The following SRBD1 variants were observed in gnomAD, a reference collection of about 807,000 sequenced individuals.
SRBD1 encodes the protein S1 RNA binding domain 1, also known as S1 RNA-binding domain-containing protein 1.
A neutral mutation model predicts 115.3 loss-of-function variants in SRBD1; 88 were observed. That is an observed-to-expected ratio of 0.76 (90% confidence interval 0.64 to 0.91). The LOEUF (loss-of-function observed/expected upper bound fraction) is 0.91, where lower values mean the gene tolerates loss of function less well. SRBD1 is among the 40% of genes least tolerant of loss of function. SRBD1 has a pLI of 0.00. For missense variants in SRBD1, 1,385 were observed against 1,177.4 expected (o/e 1.18, Z -2.58); for synonymous variants, 509 against 407.7 (o/e 1.25, Z -2.99).
intron 7 of SRBD1, among the ~76,000 whole-genome samples, chr2:45,579,370 A>C (rs1673274887): frequency 6.6e-6 from 1 of 152,222 alleles, no homozygotes; most frequent in Non-Finnish European, 1.5e-5. Context: ...ATTTTTAAAG[A>C]GTATTTATGA....
At chr2:45,465,240 T>C (rs925803456) in intron 16 of SRBD1, among the ~76,000 whole-genome samples, 9 of 152,168 alleles carry the variant, frequency 5.9e-5, no homozygotes, top group Non-Finnish European at 1.5e-5. Context: ...ATTTAAATAG[T>C]TGTTAAACTG....
chr2:45,605,947 C>G (rs1674257939), intron 1 of SRBD1, among the ~76,000 whole-genome samples: 1 of 150,908 alleles, frequency 6.6e-6, no homozygotes, highest in East Asian at 1.9e-4. Flanking sequence ...TAACAGCCTT[C>G]CAATGGTTTA....
chr2:45,611,072 T>C (rs974738269), intron 1 of SRBD1, 147 bp downstream of exon 1: 6 of 152,234 alleles, frequency 3.9e-5, no homozygotes, highest in Admixed American at 2.6e-4. Flanking sequence ...GACAGTAAAA[T>C]GTAATGAACT....
intron 10 of SRBD1, among the ~76,000 whole-genome samples, chr2:45,561,826 C>T (rs1018567542): frequency 1.3e-5 from 2 of 152,108 alleles, no homozygotes; most frequent in Non-Finnish European, 2.9e-5. Context: ...TTAGACATTT[C>T]CTTAAAATAT....
At chr2:45,548,953 A>G (rs1672206311) in intron 12 of SRBD1, 1 of 152,218 alleles carries the variant, frequency 6.6e-6, no homozygotes, top group Admixed American at 6.5e-5. Context: ...ATATGATGGA[A>G]CTGAGAACAG....
intron 10 of SRBD1, among the ~76,000 whole-genome samples, chr2:45,562,292 A>T (rs1672691124): frequency 6.6e-6 from 1 of 152,048 alleles, no homozygotes; most frequent in Non-Finnish European, 1.5e-5. Context: ...CAGTGGTGTG[A>T]TCTCGGCTCA....
intron 9 of SRBD1, among the ~76,000 whole-genome samples, chr2:45,563,828 T>C (rs1672744736): frequency 1.3e-5 from 2 of 152,116 alleles, no homozygotes; most frequent in Admixed American, 6.5e-5. Flanking sequence ...CACAAATAAA[T>C]GTCCAGGCCC....
intron 16 of SRBD1, among the ~76,000 whole-genome samples, chr2:45,469,993 C>T (rs1239275320): frequency 6.6e-6 from 1 of 152,140 alleles, no homozygotes; most frequent in African/African-American, 2.4e-5. Context: ...TTCTCTATTT[C>T]AAAATACTGC....
intron 8 of SRBD1, 63 bp from the exon 9 acceptor site, chr2:45,573,405 A>G: frequency 1.3e-6 from 2 of 1,533,108 alleles, no homozygotes; most frequent in South Asian, 1.3e-5. Context: ...AGTAAAGAAT[A>G]TATAGAAATA....
chr2:45,555,665 T>A lies in SRBD1; in HGVS notation c.1410-1935A>T, dbSNP rs201441708. ...CCATACCCGGCTAATTTTTTGTTTT[T>A]GTATTTTTAGTAGAGATGGGGTTTC... is the stretch of plus-strand genomic sequence containing the variant. On this transcript the variant is annotated intron_variant, in intron 10 of 20. Transcript: ENST00000263736. Among the ~76,000 whole-genome samples the A allele has an allele frequency of 8.0e-5, 12 of 150,244 alleles. No homozygotes were observed. The East Asian group carries it at 2.3e-3, about 29-fold the overall frequency.
chr2:45,480,215 A>G (rs924459846), intron 15 of SRBD1, among the ~76,000 whole-genome samples: 4 of 152,210 alleles, frequency 2.6e-5, no homozygotes, highest in Admixed American at 2.0e-4. Flanking sequence ...CATACCATGT[A>G]TCAAGGAGTA....
At chr2:45,590,290 G>C (rs1373771791) in intron 4 of SRBD1, among the ~76,000 whole-genome samples, 2 of 152,224 alleles carry the variant, frequency 1.3e-5, no homozygotes, top group African/African-American at 2.4e-5. Context: ...GAGGAACTCA[G>C]TTTACAGTTT....
intron 16 of SRBD1, among the ~76,000 whole-genome samples, chr2:45,469,227 T>C (rs1572674889): frequency 1.3e-5 from 2 of 152,278 alleles, no homozygotes; most frequent in East Asian, 3.9e-4. Context: ...TAATCTTTTC[T>C]TTCATGATAG....
In SRBD1 at chr2:45,601,944, T is replaced by C. The variant is rs1467032021; in HGVS notation, c.220A>G (p.Ile74Val). 2 of 1,614,208 alleles carry C rather than the reference T, an allele frequency of 1.2e-6. No individual in the cohort carries two copies. Among genetic ancestry groups the C allele is most frequent in the East Asian group, 2.2e-5 (1 of 44,880 alleles). ...ACAACGACTTCTGAGCCATCACTGA[T>C]CTGTGGGGCATTCTTCTTCACCCGA... ...MPRVKKNAPQ[I>V]SDGSEVVVVK... The change falls in exon 3 of 21, where the codon ATC (isoleucine) becomes GTC (valine). Residue 74 changes from isoleucine (I) to valine (V), a missense_variant. Ile to Val is a conservative substitution (Grantham distance 29, BLOSUM62 3). Transcript: ENST00000263736.
rs79299289 is a variant in SRBD1, at chr2:45,523,769, T to G, written c.1874+22963A>C. 7.0e-3 allele frequency among the ~76,000 whole-genome samples: 1,055 copies of G among 151,738 alleles called. 9 individuals carry two copies. The highest frequency in any genetic ancestry group is 0.024 in the African/African-American group (1,004 of 41,450). The stretch of plus-strand genomic sequence containing the variant: ...CAAACATTTAAAAAAAGAATTAATA[T>G]CAATTCACAAACTCTTCCAAAAAAC... On this transcript the variant is annotated intron_variant, in intron 14 of 20. Transcript: ENST00000263736.
At chr2:45,404,787 T>C (rs1212750199) in intron 19 of SRBD1, among the ~76,000 whole-genome samples, 2 of 152,102 alleles carry the variant, frequency 1.3e-5, no homozygotes, top group African/African-American at 2.4e-5. Context: ...CAAACCCCTA[T>C]AGTAGCCTCC....
At chr2:45,497,214 G>A (rs1463512016) in intron 14 of SRBD1, among the ~76,000 whole-genome samples, 2 of 152,120 alleles carry the variant, frequency 1.3e-5, no homozygotes, top group Non-Finnish European at 2.9e-5. Context: ...AAGAACACAG[G>A]AATTTACTAA....
chr2:45,413,015 G>C, intron 19 of SRBD1, 99 bp downstream of exon 19: 1 of 1,335,748 alleles, frequency 7.5e-7, no homozygotes, highest in African/African-American at 1.5e-5. Flanking sequence ...CACATTAAAC[G>C]GTCATATTTT....
chr2:45,512,114 C>A (rs914294839), intron 14 of SRBD1, among the ~76,000 whole-genome samples: 1 of 152,168 alleles, frequency 6.6e-6, no homozygotes, highest in African/African-American at 2.4e-5. Context: ...GGTATGCAGA[C>A]CAACATGCTT....
Sources: allele counts gnomAD v4.1 joint callset (sites outside exome capture counted in the v4.1 genomes callset), GRCh38; gene constraint gnomAD v4.1.1; transcripts MANE v1.5; gene names NCBI Gene and HGNC (gene_info 2026-07-23, HGNC 2026-07-21).